Variants in TOPAZ1 observed in about 807,000 individuals in gnomAD.
The protein encoded by TOPAZ1 is testis and ovary specific TOPAZ 1.
A neutral mutation model predicts 172.2 loss-of-function variants in TOPAZ1; 66 were observed. The ratio of observed to expected loss-of-function variants is 0.38; its 90% confidence interval spans 0.31 to 0.47. The LOEUF is 0.47. Among genes scored for constraint, TOPAZ1 ranks in the 20% least tolerant of loss-of-function variants. TOPAZ1 has a pLI of 0.99. For missense variants in TOPAZ1, 1,822 were observed against 1,972.4 expected (o/e 0.92, Z 1.44); for synonymous variants, 681 against 683.9 (o/e 1.00, Z 0.07).
intron 7 of TOPAZ1, 63 bp downstream of exon 7, chr3:44,269,364 C>G (rs1220149757): frequency 6.4e-6 from 6 of 935,998 alleles, no homozygotes. Context: ...TCCTCCTTCT[C>G]CTCCCTCCTC....
chr3:44,268,850 C>T (rs557145544), intron 6 of TOPAZ1, among the ~76,000 whole-genome samples: 5 of 152,232 alleles, frequency 3.3e-5, no homozygotes, highest in Admixed American at 6.5e-5. Context: ...GTCCATCGCA[C>T]CTGGATTTGT....
chr3:44,327,118 G>A (rs773146801), intron 18 of TOPAZ1, among the ~76,000 whole-genome samples: 2 of 152,100 alleles, frequency 1.3e-5, no homozygotes, highest in Non-Finnish European at 2.9e-5. Context: ...AAAGCCCCTC[G>A]TCTATAACAT....
chr3:44,270,934 A>G, intron 8 of TOPAZ1, 124 bp downstream of exon 8: 5 of 845,192 alleles, frequency 5.9e-6, no homozygotes, highest in Non-Finnish European at 8.5e-6. Context: ...TTTGTTCTTT[A>G]TATAAATGGA....
chr3:44,303,318 G>A (rs1367508180), intron 12 of TOPAZ1, among the ~76,000 whole-genome samples: 3 of 151,778 alleles, frequency 2.0e-5, no homozygotes, highest in Non-Finnish European at 2.9e-5. Context: ...TCTTATTCCA[G>A]CTGCCTTTTT....
intron 5 of TOPAZ1, among the ~76,000 whole-genome samples, chr3:44,266,211 G>A (rs1699828600): frequency 6.6e-6 from 1 of 152,120 alleles, no homozygotes. Flanking sequence ...TCTGTATTAG[G>A]CTTTGGCTTA....
chr3:44,296,833 G>C (rs1474289208), intron 12 of TOPAZ1, among the ~76,000 whole-genome samples: 2 of 95,610 alleles, frequency 2.1e-5, no homozygotes, highest in Non-Finnish European at 3.9e-5. Flanking sequence ...TCCAAAACCA[G>C]ACACAGAGAA....
At chr3:44,334,914 G>A (rs1199189936), downstream of TOPAZ1, among the ~76,000 whole-genome samples, 3 of 152,162 alleles carry the variant, frequency 2.0e-5, no homozygotes, top group Non-Finnish European at 2.9e-5. Context: ...TTCTAGTGCT[G>A]ATAGACTTGT....
At position 44,248,158 on chromosome 3, in the gene TOPAZ1, T is replaced by C. The variant is rs1045159992; in HGVS notation, c.2765+2887T>C. On this transcript the variant is annotated intron_variant, in intron 2 of 19. Coordinates refer to ENST00000309765, the MANE Select transcript of TOPAZ1 (RefSeq NM_001145030.2). ...ATTGCTCTCCTGCTTTCTGACATTA[T>C]GTGTTGTAGTAAAAAACTTTGAGGC... Among the ~76,000 whole-genome samples, 6 of 152,356 alleles carry C rather than the reference T, an allele frequency of 3.9e-5. 1 individual carries two copies. In the South Asian group the frequency reaches 1.2e-3, roughly 32 times the overall value.
Position 44,244,062 on chromosome 3 carries a change from T to G in TOPAZ1, c.1556T>G (p.Leu519Arg). 1.3e-6 allele frequency: 2 copies of G among 1,551,784 alleles called. No homozygotes were observed. Among genetic ancestry groups the G allele is most frequent in the Non-Finnish European group, 1.7e-6 (2 of 1,146,992 alleles). ...TCCTTGCCAGAATCAAGTTACTTTC[T>G]TCGTGGGTCTCAGGAAAGTTGTAGG... ...KASLPESSYF[L>R]RGSQESCRQV... The change falls in exon 2 of 20, where the codon CTT (leucine) becomes CGT (arginine). Residue 519 changes from leucine (L) to arginine (R), a missense_variant. By Grantham distance (102) the Leu-to-Arg change is moderately radical. Coordinates refer to ENST00000309765, the MANE Select transcript of TOPAZ1 (RefSeq NM_001145030.2).
chr3:44,301,840 T>C (rs1700275444), intron 12 of TOPAZ1, among the ~76,000 whole-genome samples: 1 of 152,188 alleles, frequency 6.6e-6, no homozygotes. Flanking sequence ...TTTTTTACCA[T>C]GCAAAAAGTT....
chr3:44,254,627 C>CAAAAAA (rs10579109), intron 2 of TOPAZ1, among the ~76,000 whole-genome samples: 1 of 83,206 alleles, frequency 1.2e-5, no homozygotes, highest in African/African-American at 4.8e-5. Context: ...AACTCCGTCT[C>CAAAAAA]AAAAAAAAAA....
At chr3:44,245,352 A>G (rs2125676144) in intron 2 of TOPAZ1, 81 bp downstream of exon 2, 1 of 1,346,558 alleles carries the variant, frequency 7.4e-7, no homozygotes, top group African/African-American at 1.5e-5. Context: ...TAATGTATTC[A>G]GTGATATTGA....
intron 5 of TOPAZ1, among the ~76,000 whole-genome samples, chr3:44,265,226 G>A (rs1201910375): frequency 6.6e-6 from 1 of 152,142 alleles, no homozygotes; most frequent in Non-Finnish European, 1.5e-5. Context: ...ATTACTTCTT[G>A]ATTCATAGAT....
intron 16 of TOPAZ1, among the ~76,000 whole-genome samples, chr3:44,312,281 GAATAA>G (rs1700405443): frequency 1.3e-5 from 2 of 149,164 alleles, no homozygotes; most frequent in South Asian, 4.2e-4. Context: ...GCTACCATCC[GAATAA>G]GAATAATAAT....
At chr3:44,260,759 T>G (rs1699766566) in intron 4 of TOPAZ1, among the ~76,000 whole-genome samples, 1 of 152,198 alleles carries the variant, frequency 6.6e-6, no homozygotes, top group Non-Finnish European at 1.5e-5. Context: ...TGATTTGTTT[T>G]GCTATTTTAT....
chr3:44,290,802 A>C lies in TOPAZ1; in HGVS notation c.3713A>C (p.Glu1238Ala). The change falls in exon 12 of 20, where the codon GAG becomes GCG. Residue 1238 changes from glutamate (E) to alanine (A), a missense_variant. Around this residue, in one of 2 missense-constraint regions of TOPAZ1, gnomAD observed 1,489 missense variants for 1,490.8 expected, o/e 1.00. Coordinates refer to ENST00000309765, the MANE Select transcript of TOPAZ1 (RefSeq NM_001145030.2). ...GAAGCCGGGATGGTGCTTGACCCAG[A>C]GCACTTTAACTATATTGTTAAGCTT... The part of the protein sequence containing the change: ...LVEAGMVLDP[E>A]HFNYIVKLLY... 1 of 1,550,024 alleles carries C rather than the reference A, an allele frequency of 6.5e-7. No homozygotes were observed. Among genetic ancestry groups the C allele is most frequent in the South Asian group, 1.2e-5 (1 of 83,704 alleles).
At chr3:44,304,834 T>C (rs1184510294) in intron 13 of TOPAZ1, among the ~76,000 whole-genome samples, 2 of 152,226 alleles carry the variant, frequency 1.3e-5, no homozygotes, top group Non-Finnish European at 2.9e-5. Flanking sequence ...ATGTTTTCCG[T>C]AAAATCCATC....
chr3:44,281,785 A>T (rs1700026026), intron 8 of TOPAZ1, among the ~76,000 whole-genome samples, 183 bp from the exon 9 acceptor site: 1 of 152,210 alleles, frequency 6.6e-6, no homozygotes, highest in African/African-American at 2.4e-5. Flanking sequence ...ATAACATAAG[A>T]TTTTTGTAAT....
intron 4 of TOPAZ1, among the ~76,000 whole-genome samples, chr3:44,257,627 G>T (rs1699730012): frequency 6.6e-6 from 1 of 151,564 alleles, no homozygotes; most frequent in African/African-American, 2.4e-5. Flanking sequence ...TAAAGTACTA[G>T]TGTACTTTTT....
Sources: allele counts gnomAD v4.1 joint callset (sites outside exome capture counted in the v4.1 genomes callset), GRCh38; gene constraint gnomAD v4.1.1; regional missense constraint gnomAD v4.1.1; transcripts MANE v1.5; gene names NCBI Gene and HGNC (gene_info 2026-07-23, HGNC 2026-07-21).